The following GALNT18 variants were observed in gnomAD, a reference collection of about 807,000 sequenced individuals.
The protein encoded by GALNT18 is polypeptide N-acetylgalactosaminyltransferase 18, also known as GalNAc-transferase 18.
In GALNT18, 44 loss-of-function variants were observed where a neutral mutation model predicts 69.5. That is an observed-to-expected ratio of 0.63 (90% CI 0.50 to 0.81). The LOEUF is 0.81. Among genes scored for constraint, GALNT18 ranks in the 40% least tolerant of loss-of-function variants. GALNT18 has a pLI of 0.00. For missense variants in GALNT18, 715 were observed against 810.0 expected, an observed-to-expected ratio of 0.88 and a Z score of 1.42; for synonymous variants, 364 against 318.2, an observed-to-expected ratio of 1.14 and a Z score of -1.53.
At chr11:11,321,410 A>G (rs1266929060) in intron 9 of GALNT18, among the ~76,000 whole-genome samples, 2 of 152,222 alleles carry the variant, frequency 1.3e-5, no homozygotes, top group African/African-American at 2.4e-5. Context: ...GTATTTTAGT[A>G]TAAAATTCTA....
rs1467854009 is a variant in GALNT18 at position 11,340,329 on chromosome 11, TC to T, written c.1278+489del. ...GAAGGTCCCTGTAGGTGTGCCCCCA[TC>T]CCCATACACGTGGCTCAAGAAACCT... On this transcript the variant is annotated intron_variant, in intron 7 of 10. Coordinates refer to ENST00000227756, the MANE Select transcript of GALNT18 (RefSeq NM_198516.3). This position sits in a 1 kb window ranked among gnomAD's most constrained non-coding sequence, Gnocchi z 4.2. Among the ~76,000 whole-genome samples the T allele has an allele frequency of 1.2e-5, 1 of 84,816 alleles. No homozygotes were observed. The highest frequency in any genetic ancestry group is 2.3e-5 in the Non-Finnish European group (1 of 44,094). 55.6% of individuals were successfully genotyped at this position (84,816 alleles called of 152,430 possible).
intron 3 of GALNT18, among the ~76,000 whole-genome samples, chr11:11,385,516 C>T (rs1027749003): frequency 2.0e-5 from 3 of 152,154 alleles, no homozygotes; most frequent in Admixed American, 6.5e-5. Flanking sequence ...AGGATGGTCT[C>T]GATCTCCTGA....
intron 9 of GALNT18, among the ~76,000 whole-genome samples, chr11:11,310,585 T>G (rs1849655113): frequency 6.6e-6 from 1 of 152,136 alleles, no homozygotes; most frequent in Non-Finnish European, 1.5e-5. Flanking sequence ...CAAGCCAACC[T>G]CCACTCCCAT....
chr11:11,393,879 C>T (rs1038300892), intron 3 of GALNT18, among the ~76,000 whole-genome samples: 5 of 152,214 alleles, frequency 3.3e-5, no homozygotes, highest in African/African-American at 1.2e-4. Context: ...GGTAGACATG[C>T]CCCCAAATAT....
chr11:11,375,533 G>T (rs929744962), intron 5 of GALNT18, among the ~76,000 whole-genome samples: 1 of 152,212 alleles, frequency 6.6e-6, no homozygotes, highest in African/African-American at 2.4e-5. Flanking sequence ...AGCTACACCA[G>T]TTCTGAGCTC....
intron 10 of GALNT18, among the ~76,000 whole-genome samples, chr11:11,282,599 G>T (rs1329645807): frequency 6.6e-6 from 1 of 152,136 alleles, no homozygotes; most frequent in Non-Finnish European, 1.5e-5. Context: ...GCCAGCCCCA[G>T]CCCTTGCCTA....
In GALNT18 at chr11:11,330,788, G is replaced by C. The variant is rs557970284; in HGVS notation, c.1416+1906C>G. Among the ~76,000 whole-genome samples the C allele has an allele frequency of 8.5e-5, 13 of 152,314 alleles. No individual in the cohort carries two copies. In the South Asian group the frequency reaches 2.7e-3, roughly 32 times the overall value. On this transcript the variant is annotated intron_variant, in intron 8 of 10. Transcript: ENST00000227756. ...CACATGTATAAGATGAGATGCTTTTGCTTGGAGGATGAGAATGCCTTTGGC... is the reference window on the plus strand; with the variant it reads ...CACATGTATAAGATGAGATGCTTTTCCTTGGAGGATGAGAATGCCTTTGGC...
rs779735158 is a variant in GALNT18, at chr11:11,293,120, C to T, written c.1586G>A (p.Arg529Gln). 2.5e-5 allele frequency: 34 copies of T among 1,370,668 alleles called. No homozygotes were observed. Among genetic ancestry groups the T allele is most frequent in the East Asian group, 8.3e-5 (3 of 36,060 alleles). 84.9% of individuals were successfully genotyped at this position (1,370,668 alleles called of 1,614,324 possible). ...CCGGCTGTTGACGTCCACCAGGCAT[C>T]GGTTGTCATCATCATCCACGGTGGG... ...LSPTVDDDDN[R>Q]CLVDVNSRPR... The change falls in exon 10 of 11, where the codon CGA (arginine) becomes CAA (glutamine). Residue 529 changes from arginine to glutamine, a missense_variant. Coordinates refer to ENST00000227756, the MANE Select transcript of GALNT18 (RefSeq NM_198516.3).
intron 1 of GALNT18, among the ~76,000 whole-genome samples, chr11:11,502,101 G>C (rs543185192): frequency 2.0e-5 from 3 of 152,318 alleles, no homozygotes; most frequent in African/African-American, 7.2e-5. Flanking sequence ...CCACAGTGCT[G>C]AGTGTAGAGC....
intron 2 of GALNT18, among the ~76,000 whole-genome samples, chr11:11,442,411 G>A (rs1855549017): frequency 6.6e-6 from 1 of 152,132 alleles, no homozygotes; most frequent in South Asian, 2.1e-4. Flanking sequence ...TAGGTATGGG[G>A]GATTAGGATG....
intron 6 of GALNT18, among the ~76,000 whole-genome samples, chr11:11,348,403 A>G (rs1410362926): frequency 3.3e-5 from 5 of 150,528 alleles, no homozygotes; most frequent in Admixed American, 1.3e-4. Context: ...AAAAAAAAAA[A>G]GGAAGAGAGG....
rs533081178 is a variant in GALNT18, at chr11:11,331,709, G to GA, written c.1416+984dup. Among the ~76,000 whole-genome samples, 494 of 152,242 alleles carry GA rather than the reference G, an allele frequency of 3.2e-3. 1 individual carries two copies. The highest frequency in any genetic ancestry group is 0.011 in the African/African-American group (463 of 41,554). ...TTCACTGCTGATTATGTGAGCTTGT[G>GA]AAAAATCACTCTTTGACTCTGTTTC... is the stretch of plus-strand genomic sequence containing the variant. On this transcript the variant is annotated intron_variant, in intron 8 of 10. Coordinates refer to ENST00000227756, the MANE Select transcript of GALNT18 (RefSeq NM_198516.3).
intron 1 of GALNT18, among the ~76,000 whole-genome samples, chr11:11,581,151 T>A (rs956804742): frequency 6.6e-6 from 1 of 152,212 alleles, no homozygotes; most frequent in South Asian, 2.1e-4. Context: ...TCCAAAGACA[T>A]GAGACAAAAG....
chr11:11,560,226 A>T (rs565746733), intron 1 of GALNT18, among the ~76,000 whole-genome samples: 6 of 146,836 alleles, frequency 4.1e-5, no homozygotes, highest in Non-Finnish European at 9.1e-5. Context: ...ATATGAAGGG[A>T]TGGGATGGAA....
rs975328191 is a variant in GALNT18 at position 11,591,276 on chromosome 11, T to G, written c.235+30083A>C. ...CACACATTATTAGGCAATATTATCG[T>G]TGTGCAAACTTTATGAAGTTTGCAC... On this transcript the variant is annotated intron_variant, in intron 1 of 10. Coordinates refer to ENST00000227756, the MANE Select transcript of GALNT18 (RefSeq NM_198516.3). This position sits in a 1 kb window ranked among gnomAD's most constrained non-coding sequence, Gnocchi z 4.8. 3.3e-5 allele frequency among the ~76,000 whole-genome samples: 5 copies of G among 152,198 alleles called. No homozygotes were observed. Among genetic ancestry groups the G allele is most frequent in the Non-Finnish European group, 7.3e-5 (5 of 68,042 alleles).
At chr11:11,290,628 C>T (rs902325397) in intron 10 of GALNT18, among the ~76,000 whole-genome samples, 4 of 152,198 alleles carry the variant, frequency 2.6e-5, no homozygotes, top group African/African-American at 9.6e-5. Flanking sequence ...CCCTTCACTC[C>T]TTCCAAAGAG....
rs1855285750 is a variant in GALNT18, at chr11:11,432,401, A to G, written c.595+220T>C. On this transcript the variant is annotated intron_variant, in intron 3 of 10. Coordinates refer to ENST00000227756, the MANE Select transcript of GALNT18 (RefSeq NM_198516.3). This position sits in a 1 kb window ranked among gnomAD's most constrained non-coding sequence, Gnocchi z 5.8. ...ATATGGGAGGGGAGAGTAGCCAGCC[A>G]GGAGAAAAAGCCTAAGGACCAGACC... Among the ~76,000 whole-genome samples the G allele has an allele frequency of 1.3e-5, 2 of 152,236 alleles. No homozygotes were observed. Among genetic ancestry groups the G allele is most frequent in the African/African-American group, 4.8e-5 (2 of 41,462 alleles).
rs901920483 is a variant in GALNT18 at position 11,555,048 on chromosome 11, A to G, written c.235+66311T>C. On this transcript the variant is annotated intron_variant, in intron 1 of 10. Coordinates refer to ENST00000227756, the MANE Select transcript of GALNT18 (RefSeq NM_198516.3). This position sits in a 1 kb window ranked among gnomAD's most constrained non-coding sequence, Gnocchi z 4.7. ...GTGGTCTCACTAAATCTTACCAACA[A>G]CCCAATAAAGTGTCTATCATTTCTG... Among the ~76,000 whole-genome samples the G allele has an allele frequency of 6.6e-6, 1 of 152,138 alleles. No individual in the cohort carries two copies.
rs142243569 is a variant in GALNT18, at chr11:11,546,723, C to G, written c.235+74636G>C. Among the ~76,000 whole-genome samples the G allele has an allele frequency of 7.2e-4, 110 of 152,198 alleles. No homozygotes were observed. Among genetic ancestry groups the G allele is most frequent in the Middle Eastern group, 3.4e-3 (1 of 294 alleles). ...GCCTTGGTATCTACTGCAGTAGATA[C>G]CCCGAATGTTGATGATGTCTTCCAG... On this transcript the variant is annotated intron_variant, in intron 1 of 10. Coordinates refer to ENST00000227756, the MANE Select transcript of GALNT18 (RefSeq NM_198516.3). The surrounding 1 kb of genome is among the most constrained non-coding windows in gnomAD (Gnocchi z 5.8).
Sources: gnomAD v4.1 joint callset for allele counts (sites outside exome capture counted in the v4.1 genomes callset) on GRCh38, gnomAD v4.1.1 for gene constraint, Gnocchi (gnomAD v3.1) non-coding constraint, MANE v1.5 for transcripts, NCBI Gene and HGNC (gene_info 2026-07-23, HGNC 2026-07-21) for gene names.